Variants in CYP39A1 observed in about 807,000 individuals in gnomAD.
CYP39A1 encodes the protein 24-hydroxycholesterol 7-alpha-hydroxylase.
Under a neutral mutation model 58.1 loss-of-function variants are expected in CYP39A1, and 49 were observed. The ratio of observed to expected loss-of-function variants is 0.84; its 90% CI spans 0.67 to 1.07. CYP39A1 has a LOEUF of 1.07. Among genes scored for constraint, CYP39A1 ranks in the 50% least tolerant of loss-of-function variants. The pLI, the probability that CYP39A1 is intolerant of heterozygous loss-of-function variation, is 0.00. For missense variants in CYP39A1, 531 were observed against 539.4 expected (o/e 0.98, Z 0.16); for synonymous variants, 209 against 187.6 (o/e 1.11, Z -0.93).
chr6:46,646,102 A>G (rs552551244), intron 1 of CYP39A1, among the ~76,000 whole-genome samples: 1 of 151,992 alleles, frequency 6.6e-6, no homozygotes, highest in South Asian at 2.1e-4. Context: ...ATCCATATAT[A>G]TTTTCTTTTC....
chr6:46,563,741 T>A (rs1013086897), intron 10 of CYP39A1, among the ~76,000 whole-genome samples: 4 of 152,112 alleles, frequency 2.6e-5, no homozygotes, highest in Non-Finnish European at 4.4e-5. Flanking sequence ...GTAGACTTGT[T>A]GAGTGAGAGC....
At chr6:46,599,843 T>C (rs1464124230) in intron 7 of CYP39A1, among the ~76,000 whole-genome samples, 1 of 152,158 alleles carries the variant, frequency 6.6e-6, no homozygotes, top group African/African-American at 2.4e-5. Context: ...AAAGCAACAC[T>C]GGCCTACACA....
chr6:46,642,058 A>G, intron 2 of CYP39A1, 105 bp downstream of exon 2: 1 of 1,188,054 alleles, frequency 8.4e-7, no homozygotes, highest in South Asian at 1.3e-5. Context: ...AAAATAATGG[A>G]CCCTCATCAT....
chr6:46,637,776 G>T, intron 4 of CYP39A1, 53 bp downstream of exon 4: 1 of 1,572,288 alleles, frequency 6.4e-7, no homozygotes, highest in Non-Finnish European at 8.6e-7. Context: ...GAGAGGTGTT[G>T]AATTGCTGAG....
chr6:46,600,914 C>G (rs1053070057), intron 7 of CYP39A1, among the ~76,000 whole-genome samples: 3 of 152,140 alleles, frequency 2.0e-5, no homozygotes, highest in Non-Finnish European at 4.4e-5. Context: ...GATTTGTAGA[C>G]AAGTTGGACA....
At chr6:46,642,034 C>A in intron 2 of CYP39A1, 129 bp downstream of exon 2, 1 of 1,004,722 alleles carries the variant, frequency 1.0e-6, no homozygotes, top group Admixed American at 2.1e-5. Context: ...CTCTTCTACC[C>A]ATACCTCAAG....
chr6:46,650,348 A>C (rs1762600710), intron 1 of CYP39A1, among the ~76,000 whole-genome samples: 1 of 146,648 alleles, frequency 6.8e-6, no homozygotes, highest in Non-Finnish European at 1.5e-5. Flanking sequence ...GTGTGATTTG[A>C]ATCTCCCCTG....
intron 10 of CYP39A1, among the ~76,000 whole-genome samples, chr6:46,562,693 T>C (rs946837341): frequency 6.6e-6 from 1 of 152,082 alleles, no homozygotes; most frequent in South Asian, 2.1e-4. Flanking sequence ...GTAGAGAAAG[T>C]AGAATGAGGA....
intron 7 of CYP39A1, among the ~76,000 whole-genome samples, chr6:46,621,729 AT>A (rs1179242506): frequency 6.6e-6 from 1 of 152,186 alleles, no homozygotes; most frequent in Non-Finnish European, 1.5e-5. Flanking sequence ...ATTCTACCAT[AT>A]GTTTAAAGAA....
rs563469510 is a variant in CYP39A1 at position 46,634,164 on chromosome 6, G to A, written c.732+2225C>T. On this transcript the variant is annotated intron_variant, in intron 5 of 11. Transcript: ENST00000275016. ...CGAATCATGGGAGCAGGTCTTTCTA[G>A]TGCTGTTCTCGTGATGGTGAATAAG... Among the ~76,000 whole-genome samples, 11 of 152,290 alleles carry A rather than the reference G, an allele frequency of 7.2e-5. No homozygotes were observed. In the South Asian group the frequency reaches 2.1e-3, roughly 29 times the overall value.
At chr6:46,633,729 T>G (rs1242728195) in intron 5 of CYP39A1, among the ~76,000 whole-genome samples, 1 of 152,014 alleles carries the variant, frequency 6.6e-6, no homozygotes, top group Non-Finnish European at 1.5e-5. Flanking sequence ...TGGTGGCATG[T>G]GCCTGTAGTC....
At chr6:46,574,517 A>T (rs989801149) in intron 10 of CYP39A1, among the ~76,000 whole-genome samples, 1 of 152,214 alleles carries the variant, frequency 6.6e-6, no homozygotes, top group Admixed American at 6.5e-5. Context: ...ACAATATTGT[A>T]AAATAGCAGT....
At chr6:46,594,580 A>G (rs1582359072) in intron 8 of CYP39A1, among the ~76,000 whole-genome samples, 1 of 152,064 alleles carries the variant, frequency 6.6e-6, no homozygotes, top group African/African-American at 2.4e-5. Flanking sequence ...TCTTCAATAA[A>G]TGATGTTGGG....
At chr6:46,563,539 C>A (rs1021920896) in intron 10 of CYP39A1, among the ~76,000 whole-genome samples, 5 of 151,986 alleles carry the variant, frequency 3.3e-5, no homozygotes, top group Non-Finnish European at 7.4e-5. Flanking sequence ...AACACCAAGA[C>A]CGACACAACA....
At chr6:46,587,050 T>TA (rs775912074) in intron 10 of CYP39A1, 27 bp downstream of exon 10, 4 of 1,555,626 alleles carry the variant, frequency 2.6e-6, no homozygotes, top group Middle Eastern at 1.7e-4. Flanking sequence ...ACTTTCTGGA[T>TA]AAATGTGGCC....
rs566522024 is a variant in CYP39A1, at chr6:46,575,017, C to T, written c.1250+12060G>A. On this transcript the variant is annotated intron_variant, in intron 10 of 11. Coordinates refer to ENST00000275016, the MANE Select transcript of CYP39A1 (RefSeq NM_016593.5). The stretch of plus-strand genomic sequence containing the variant: ...GGCTGAAAGTAGAGAAAGTTGGGAA[C>T]ACTGCAGGGGGTTGCCGAGCACCAG... 5.0e-4 allele frequency among the ~76,000 whole-genome samples: 76 copies of T among 152,136 alleles called. 1 individual carries two copies. The highest frequency in any genetic ancestry group is 1.4e-3 in the African/African-American group (58 of 41,508).
chr6:46,615,642 T>C (rs1774487744), intron 7 of CYP39A1, among the ~76,000 whole-genome samples: 1 of 152,018 alleles, frequency 6.6e-6, no homozygotes, highest in Non-Finnish European at 1.5e-5. Context: ...CTTTGAATAA[T>C]GTGACAAAGA....
chr6:46,597,280 G>GT (rs1773225817), intron 7 of CYP39A1, among the ~76,000 whole-genome samples: 1 of 152,030 alleles, frequency 6.6e-6, no homozygotes, highest in African/African-American at 2.4e-5. Flanking sequence ...AATAACTAAG[G>GT]CGCAGCTCTT....
In CYP39A1 at chr6:46,596,079, G is replaced by A. The variant is rs1181315698; in HGVS notation, c.973C>T (p.Leu325Phe). ...IKVSEDDLEN[L>F]LLIKWCVLET... ...AAAACACACCATTTAATTAGAAGGAGATTCTCCAGGTCATCCTCAGACACT... is the reference window on the plus strand; with the variant it reads ...AAAACACACCATTTAATTAGAAGGAAATTCTCCAGGTCATCCTCAGACACT... The change falls in exon 8 of 12, where the codon CTC (leucine) becomes TTC (phenylalanine). Residue 325 changes from leucine (L) to phenylalanine (F), a missense_variant. Leu to Phe is a conservative substitution (Grantham distance 22, BLOSUM62 0). Transcript: ENST00000275016. 5 of 1,611,070 alleles carry A rather than the reference G, an allele frequency of 3.1e-6. No individual in the cohort carries two copies. Among genetic ancestry groups the A allele is most frequent in the South Asian group, 2.2e-5 (2 of 90,644 alleles).
Sources: allele counts gnomAD v4.1 joint callset (sites outside exome capture counted in the v4.1 genomes callset), GRCh38; gene constraint gnomAD v4.1.1; transcripts MANE v1.5; gene names NCBI Gene and HGNC (gene_info 2026-07-23, HGNC 2026-07-21).